The following SMOC2 variants were observed in gnomAD, a reference collection of about 807,000 sequenced individuals.
SMOC2 encodes the protein SPARC-related modular calcium-binding protein 2.
Under a neutral mutation model 61.4 loss-of-function variants are expected in SMOC2, and 39 were observed. The observed-to-expected ratio is 0.64, with a 90% CI of 0.49 to 0.83. SMOC2 has a LOEUF of 0.83. SMOC2 is among the 40% of genes least tolerant of loss of function. The pLI is 0.00. For missense variants in SMOC2, 556 were observed against 592.9 expected (o/e 0.94, Z 0.65); for synonymous variants, 247 against 239.9 (o/e 1.03, Z -0.27).
chr6:168,545,202 G>A (rs1310619150), intron 5 of SMOC2, among the ~76,000 whole-genome samples: 2 of 151,782 alleles, frequency 1.3e-5, no homozygotes, highest in Admixed American at 6.6e-5. Context: ...AAGGATCATC[G>A]TCTTTCAGAG....
At chr6:168,537,675 C>T (rs1376824559) in intron 4 of SMOC2, among the ~76,000 whole-genome samples, 1 of 152,244 alleles carries the variant, frequency 6.6e-6, no homozygotes, top group Non-Finnish European at 1.5e-5. Flanking sequence ...GAACACAGGA[C>T]CGCTGCTGCC....
At chr6:168,588,947 G>A (rs1346689653) in intron 7 of SMOC2, among the ~76,000 whole-genome samples, 1 of 147,834 alleles carries the variant, frequency 6.8e-6, no homozygotes, top group Non-Finnish European at 1.5e-5. Context: ...GGGCGTGGTG[G>A]TGTGTCCCTG....
chr6:168,620,082 G>A (rs998196295), intron 9 of SMOC2, among the ~76,000 whole-genome samples: 3 of 152,176 alleles, frequency 2.0e-5, no homozygotes, highest in Admixed American at 6.5e-5. Flanking sequence ...CCCTACCTGC[G>A]TGTAATATTT....
At chr6:168,597,527 C>T (rs1327974384) in intron 7 of SMOC2, among the ~76,000 whole-genome samples, 4 of 152,360 alleles carry the variant, frequency 2.6e-5, no homozygotes, top group Middle Eastern at 3.4e-3. Context: ...GTGATGTGGA[C>T]GCACCACACC....
intron 1 of SMOC2, among the ~76,000 whole-genome samples, chr6:168,461,765 C>T (rs543556037): frequency 1.4e-4 from 21 of 152,322 alleles, no homozygotes; most frequent in South Asian, 8.3e-4. Context: ...ATGAGGCAGC[C>T]GTGCTAGAAA....
rs1781508518 is a variant in SMOC2, at chr6:168,453,385, G to A, written c.84+11931G>A. On this transcript the variant is annotated intron_variant, in intron 1 of 12. Transcript: ENST00000356284. This position sits in a 1 kb window ranked among gnomAD's most constrained non-coding sequence, Gnocchi z 4.4. ...AGTCTACCCTGGAGTTCAACAAAAAGGAGAAAAGAATTTCCCTGGCAAAGC... is the reference window on the plus strand; with the variant it reads ...AGTCTACCCTGGAGTTCAACAAAAAAGAGAAAAGAATTTCCCTGGCAAAGC... Among the ~76,000 whole-genome samples, 1 of 152,164 alleles carries A rather than the reference G, an allele frequency of 6.6e-6. No individual in the cohort carries two copies. The highest frequency in any genetic ancestry group is 2.4e-5 in the African/African-American group (1 of 41,436).
intron 12 of SMOC2, among the ~76,000 whole-genome samples, chr6:168,665,474 A>C (rs1032879303): frequency 6.6e-5 from 10 of 152,260 alleles, no homozygotes; most frequent in Non-Finnish European, 1.2e-4. Context: ...CAAGGGTTTC[A>C]CCATATGCAT....
intron 7 of SMOC2, among the ~76,000 whole-genome samples, chr6:168,557,437 G>T (rs1378958322): frequency 6.6e-6 from 1 of 152,150 alleles, no homozygotes; most frequent in Non-Finnish European, 1.5e-5. Context: ...TCACACTGTG[G>T]TTAAGTAATC....
At position 168,666,433 on chromosome 6, in the gene SMOC2, G is replaced by A; in HGVS notation, c.1336G>A (p.Gly446Arg). 1.2e-6 allele frequency: 2 copies of A among 1,613,804 alleles called. No individual in the cohort carries two copies. The highest frequency in any genetic ancestry group is 1.7e-6 in the Non-Finnish European group (2 of 1,179,982). Residue 446 changes from glycine (G) to arginine (R), a missense_variant, in exon 13 of 13, where the codon GGA (glycine) becomes AGA (arginine). By Grantham distance (125) the Gly-to-Arg change is moderately radical (BLOSUM62 -2). Transcript: ENST00000356284. ...TTTTCCTTTTCAGCCAAGGAAACAA[G>A]GATAAATGGCTCATACCCCGAAGGC... Reference protein sequence around the residue: ...STSNRQPRKQG With the variant: ...STSNRQPRKQR
chr6:168,656,507 TAAAAAAAA>T lies in SMOC2; in HGVS notation c.1285+3295_1285+3302del, dbSNP rs5881805. Among the ~76,000 whole-genome samples the T allele has an allele frequency of 2.8e-3, 239 of 86,808 alleles. 3 individuals carry two copies. In the Middle Eastern group the frequency reaches 0.034, roughly 12 times the overall value. The allele number at this position is 86,808 out of a possible 152,430, so 56.9% of individuals were successfully genotyped here. A position where few individuals can be genotyped will look rare whatever the true frequency, so the allele number is the denominator to read the frequency against. On this transcript the variant is annotated intron_variant, in intron 11 of 12. Transcript: ENST00000356284. Reference sequence around the variant, plus strand: ...TGGGTGACAAAGCAAGACTTTGTGTTAAAAAAAAAAAAAAAAAAAAAAAGAAAAGAAAA... The same window carrying T: ...TGGGTGACAAAGCAAGACTTTGTGTTAAAAAAAAAAAAAAAGAAAAGAAAA...
chr6:168,474,558 G>A (rs1369827986), intron 1 of SMOC2, among the ~76,000 whole-genome samples: 1 of 152,094 alleles, frequency 6.6e-6, no homozygotes, highest in African/African-American at 2.4e-5. Flanking sequence ...CTATGTCCCT[G>A]CCTTTAAATA....
At chr6:168,467,234 C>G (rs762313085) in intron 1 of SMOC2, among the ~76,000 whole-genome samples, 1 of 151,450 alleles carries the variant, frequency 6.6e-6, no homozygotes, top group Non-Finnish European at 1.5e-5. Context: ...AGTGCACTGG[C>G]GGCAAAACAG....
chr6:168,550,655 C>A (rs950899315), intron 7 of SMOC2, among the ~76,000 whole-genome samples: 1 of 152,194 alleles, frequency 6.6e-6, no homozygotes, highest in African/African-American at 2.4e-5. Flanking sequence ...TTACTTTACC[C>A]TTCTGGGCGG....
intron 1 of SMOC2, among the ~76,000 whole-genome samples, chr6:168,488,056 G>C (rs544178458): frequency 2.0e-5 from 3 of 152,318 alleles, no homozygotes; most frequent in African/African-American, 7.2e-5. Context: ...TACATCTGCA[G>C]TCGTTCTAGG....
chr6:168,602,001 C>T (rs1193030036), intron 8 of SMOC2, among the ~76,000 whole-genome samples: 2 of 152,152 alleles, frequency 1.3e-5, no homozygotes, highest in African/African-American at 2.4e-5. Flanking sequence ...GGAGACAGCT[C>T]CTTTGATTCT....
At chr6:168,625,240 G>A (rs1786372532) in intron 9 of SMOC2, among the ~76,000 whole-genome samples, 1 of 152,246 alleles carries the variant, frequency 6.6e-6, no homozygotes. Context: ...CACTGGAGAT[G>A]CAGCTTAGGA....
intron 9 of SMOC2, among the ~76,000 whole-genome samples, chr6:168,632,376 C>T (rs1026693985): frequency 2.0e-5 from 3 of 152,094 alleles, no homozygotes; most frequent in African/African-American, 7.2e-5. Context: ...GAGATAATTG[C>T]CTTTAAAAGT....
At chr6:168,526,257 C>A (rs980986965) in intron 2 of SMOC2, 89 bp from the exon 3 acceptor site, 4 of 1,219,534 alleles carry the variant, frequency 3.3e-6, no homozygotes, top group Non-Finnish European at 3.6e-6. Flanking sequence ...TCCTGCCTAA[C>A]TCATGCCTTC....
intron 1 of SMOC2, among the ~76,000 whole-genome samples, chr6:168,488,763 A>G (rs1363346239): frequency 3.4e-5 from 5 of 145,546 alleles, no homozygotes; most frequent in African/African-American, 7.6e-5. Flanking sequence ...CTGTTTTAGA[A>G]TGAAATATAT....
Sources: allele counts gnomAD v4.1 joint callset (sites outside exome capture counted in the v4.1 genomes callset), GRCh38; gene constraint gnomAD v4.1.1; non-coding constraint Gnocchi (gnomAD v3.1); transcripts MANE v1.5; gene names NCBI Gene and HGNC (gene_info 2026-07-23, HGNC 2026-07-21).